The following PTPRT variants were observed in gnomAD, a reference collection of about 807,000 sequenced individuals.
PTPRT encodes receptor-type tyrosine-protein phosphatase T.
A neutral mutation model predicts 176.8 loss-of-function variants in PTPRT; 56 were observed. The ratio of observed to expected loss-of-function variants is 0.32; its 90% confidence interval spans 0.26 to 0.40. The LOEUF is 0.40. PTPRT is among the 10% of genes least tolerant of loss of function. The probability of loss-of-function intolerance (pLI) is 1.00; values close to 1 mark genes in which losing one functional copy is unlikely to be tolerated. For missense variants in PTPRT, 1,540 were observed against 1,908.2 expected (o/e 0.81, Z 3.60); for synonymous variants, 783 against 739.0 (o/e 1.06, Z -0.96).
intron 1 of PTPRT, among the ~76,000 whole-genome samples, chr20:43,074,511 T>C (rs1216881033): frequency 6.6e-6 from 1 of 152,208 alleles, no homozygotes; most frequent in Non-Finnish European, 1.5e-5. Flanking sequence ...ATGTAATCCT[T>C]GGCACACACC....
intron 13 of PTPRT, among the ~76,000 whole-genome samples, chr20:42,252,898 T>G (rs994110672): frequency 6.6e-6 from 1 of 152,200 alleles, no homozygotes; most frequent in African/African-American, 2.4e-5. Context: ...GAAAAATCCA[T>G]GCTTGGTTGG....
intron 6 of PTPRT, among the ~76,000 whole-genome samples, chr20:42,722,237 T>C (rs930527806): frequency 2.0e-5 from 3 of 152,128 alleles, no homozygotes; most frequent in South Asian, 2.1e-4. Flanking sequence ...ATTCTGCATT[T>C]CAAACTCCAA....
At chr20:42,750,375 C>G (rs980018040) in intron 6 of PTPRT, among the ~76,000 whole-genome samples, 14 of 151,828 alleles carry the variant, frequency 9.2e-5, no homozygotes, top group African/African-American at 3.4e-4. Flanking sequence ...TATATTTTCT[C>G]CCTCTCATAG....
At chr20:43,099,910 C>G (rs2012321376) in intron 1 of PTPRT, among the ~76,000 whole-genome samples, 1 of 152,134 alleles carries the variant, frequency 6.6e-6, no homozygotes, top group Admixed American at 6.5e-5. Context: ...GGGCAGGAAC[C>G]AGGGTACACT....
chr20:42,379,190 T>C (rs371951555), intron 9 of PTPRT, among the ~76,000 whole-genome samples: 15 of 152,238 alleles, frequency 9.9e-5, no homozygotes, highest in South Asian at 4.1e-4. Context: ...TGCCTTGGCA[T>C]ATGCTGTCAC....
intron 8 of PTPRT, among the ~76,000 whole-genome samples, chr20:42,450,137 G>T (rs1406077517): frequency 6.6e-6 from 1 of 152,172 alleles, no homozygotes; most frequent in Non-Finnish European, 1.5e-5. Context: ...TTATTATTGG[G>T]CATTAAAGTT....
At chr20:42,713,011 AAAAT>A (rs1179171776) in intron 6 of PTPRT, among the ~76,000 whole-genome samples, 1 of 152,226 alleles carries the variant, frequency 6.6e-6, no homozygotes, top group African/African-American at 2.4e-5. Context: ...TAAGTGGAAA[AAAAT>A]AAAGCCAAAA....
At chr20:42,992,905 A>G (rs1158411752) in intron 1 of PTPRT, among the ~76,000 whole-genome samples, 5 of 152,154 alleles carry the variant, frequency 3.3e-5, no homozygotes, top group Non-Finnish European at 7.4e-5. Flanking sequence ...TCCTCCAAGT[A>G]TGGCCACCTT....
chr20:42,991,014 G>C (rs1225459648), intron 1 of PTPRT, among the ~76,000 whole-genome samples: 1 of 152,182 alleles, frequency 6.6e-6, no homozygotes, highest in East Asian at 1.9e-4. Flanking sequence ...GGGGTGAAAG[G>C]AAAGCTTTAC....
chr20:42,919,198 T>C (rs1415350450), intron 1 of PTPRT, among the ~76,000 whole-genome samples: 2 of 152,082 alleles, frequency 1.3e-5, no homozygotes, highest in Non-Finnish European at 1.5e-5. Flanking sequence ...GGGACACCCA[T>C]TTATTTGGTC....
intron 7 of PTPRT, among the ~76,000 whole-genome samples, chr20:42,510,616 T>C (rs540489757): frequency 1.3e-5 from 2 of 152,168 alleles, no homozygotes; most frequent in East Asian, 3.9e-4. Context: ...ACCTTTCCCA[T>C]TATCTTGCTA....
intron 9 of PTPRT, among the ~76,000 whole-genome samples, chr20:42,430,944 T>C (rs2059211166): frequency 6.6e-6 from 1 of 152,146 alleles, no homozygotes; most frequent in African/African-American, 2.4e-5. Flanking sequence ...GTGAGATCTA[T>C]GTGCAGTGCA....
At chr20:42,761,495 C>A (rs1487517973) in intron 5 of PTPRT, among the ~76,000 whole-genome samples, 1 of 151,502 alleles carries the variant, frequency 6.6e-6, no homozygotes, top group Non-Finnish European at 1.5e-5. Context: ...AATAAATTCC[C>A]AGACCTAATG....
At chr20:42,154,662 G>A (rs368085314) in intron 17 of PTPRT, among the ~76,000 whole-genome samples, 1 of 152,310 alleles carries the variant, frequency 6.6e-6, no homozygotes, top group South Asian at 2.1e-4. Context: ...GGATGAATGT[G>A]CTTCTTCCTT....
intron 7 of PTPRT, among the ~76,000 whole-genome samples, chr20:42,587,538 C>T (rs2073492950): frequency 6.6e-6 from 1 of 152,238 alleles, no homozygotes; most frequent in Non-Finnish European, 1.5e-5. Context: ...CGGCCTGAGC[C>T]CTGACTTGGG....
chr20:43,080,217 A>G (rs1427324620), intron 1 of PTPRT, among the ~76,000 whole-genome samples: 1 of 152,158 alleles, frequency 6.6e-6, no homozygotes, highest in African/African-American at 2.4e-5. Context: ...GAGCCATTAC[A>G]TGGTGCTTCT....
At chr20:43,118,196 T>C (rs753844353) in intron 1 of PTPRT, among the ~76,000 whole-genome samples, 49 of 152,136 alleles carry the variant, frequency 3.2e-4, no homozygotes, top group Admixed American at 9.2e-4. Flanking sequence ...AATATAACTT[T>C]AGTCACAAAA....
chr20:42,542,530 G>T (rs2072602276), intron 7 of PTPRT, among the ~76,000 whole-genome samples: 1 of 152,132 alleles, frequency 6.6e-6, no homozygotes, highest in Non-Finnish European at 1.5e-5. Flanking sequence ...TTGTTGTGAG[G>T]ATGTAGAGGA....
At position 43,047,829 on chromosome 20, in the gene PTPRT, T is replaced by C. The variant is rs1479821365; in HGVS notation, c.88+141817A>G. ...CCACAGAACTCCATAAAATAGGGGT[T>C]CTTTTGTCCCTACTGCAGAACAGAG... is the stretch of plus-strand genomic sequence containing the variant. On this transcript the variant is annotated intron_variant, in intron 1 of 30. Coordinates refer to ENST00000373187, the MANE Select transcript of PTPRT (RefSeq NM_007050.6). 3.9e-5 allele frequency among the ~76,000 whole-genome samples: 6 copies of C among 152,256 alleles called. No homozygotes were observed. In the East Asian group the frequency reaches 1.2e-3, roughly 29 times the overall value.
Sources: allele counts gnomAD v4.1 joint callset (sites outside exome capture counted in the v4.1 genomes callset), GRCh38; gene constraint gnomAD v4.1.1; transcripts MANE v1.5; gene names NCBI Gene and HGNC (gene_info 2026-07-23, HGNC 2026-07-21).